NCOR2: variants seen among roughly 807,000 people sequenced by gnomAD.
NCOR2 encodes the protein nuclear receptor corepressor 2, also known as CTG repeat protein 26.
A neutral mutation model predicts 262.9 loss-of-function variants in NCOR2; 81 were observed. The ratio of observed to expected loss-of-function variants is 0.31; its 90% CI spans 0.26 to 0.37. The LOEUF (loss-of-function observed/expected upper bound fraction) is 0.37. Among genes scored for constraint, NCOR2 ranks in the 10% least tolerant of loss-of-function variants. The probability of loss-of-function intolerance (pLI) is 1.00; values close to 1 mark genes in which losing one functional copy is unlikely to be tolerated. For synonymous variants in NCOR2, 1,659 were observed against 1,559.3 expected, an observed-to-expected ratio of 1.06 and a Z score of -1.51; for missense variants, 3,385 against 3,621.4, an observed-to-expected ratio of 0.93 and a Z score of 1.68.
chr12:124,473,151 G>C lies in NCOR2; in HGVS notation c.412-20C>G. 2 of 1,613,034 alleles carry C rather than the reference G, an allele frequency of 1.2e-6. No individual in the cohort carries two copies. Among genetic ancestry groups the C allele is most frequent in the Non-Finnish European group, 1.7e-6 (2 of 1,179,954 alleles). On this transcript the variant is annotated intron_variant, in intron 3 of 46. Transcript: ENST00000405201. ...ACGGTCCTGTGGCAGAAAAAAAACG[G>C]GCATGGGGTCAGCACAGGGGACACC...
chr12:124,327,458 C>A, exon 45 of NCOR2: 1 of 1,613,062 alleles, frequency 6.2e-7, no homozygotes, highest in South Asian at 1.1e-5. Flanking sequence ...CGGTTATGGG[C>A]ATAGCAGCGG....
intron 13 of NCOR2, among the ~76,000 whole-genome samples, chr12:124,416,574 G>C (rs1318120389): frequency 1.4e-5 from 2 of 139,172 alleles, no homozygotes; most frequent in Non-Finnish European, 3.1e-5. Context: ...GATAGACCCC[G>C]CGGCACAGGG....
chr12:124,406,484 G>A (rs1449431810), intron 13 of NCOR2, among the ~76,000 whole-genome samples: 1 of 152,176 alleles, frequency 6.6e-6, no homozygotes, highest in Non-Finnish European at 1.5e-5. Context: ...GGCACATAAA[G>A]GACTCTGTGC....
chr12:124,431,351 C>T (rs1429320777), intron 8 of NCOR2, among the ~76,000 whole-genome samples: 1 of 151,210 alleles, frequency 6.6e-6, no homozygotes, highest in Non-Finnish European at 1.5e-5. Context: ...GGTACACACA[C>T]AGTAGACACA....
intron 15 of NCOR2, 48 bp from the exon 18 acceptor site, chr12:124,398,229 C>A: frequency 6.3e-7 from 1 of 1,598,234 alleles, no homozygotes; most frequent in Non-Finnish European, 8.6e-7. Context: ...AGAGGAGGCA[C>A]TTTGCCTTCT....
Position 124,483,803 on chromosome 12 carries a change from T to G in NCOR2, c.234-30A>C. On this transcript the variant is annotated intron_variant, in intron 2 of 46. Coordinates refer to ENST00000405201, the Ensembl canonical transcript of NCOR2. The surrounding 1 kb of genome is among the most constrained non-coding windows in gnomAD (Gnocchi z 6.3). Reference sequence around the variant, plus strand: ...AGGAGGTGAGGCATCCAACGTCACATAGGAGATTGCGGCTCTGAGAACTCC... The same window carrying G: ...AGGAGGTGAGGCATCCAACGTCACAGAGGAGATTGCGGCTCTGAGAACTCC... 6.4e-7 allele frequency: 1 copy of G among 1,556,014 alleles called. No individual in the cohort carries two copies. Among genetic ancestry groups the G allele is most frequent in the Non-Finnish European group, 8.7e-7 (1 of 1,151,124 alleles).
In NCOR2 at chr12:124,378,193, G is replaced by C; in HGVS notation, c.2167+44C>G. On this transcript the variant is annotated intron_variant, in intron 18 of 46. Coordinates refer to ENST00000405201, the Ensembl canonical transcript of NCOR2. This position sits in a 1 kb window ranked among gnomAD's most constrained non-coding sequence, Gnocchi z 4.2. Reference sequence around the variant, plus strand: ...CCCGCTATGCCCTCCCTCAGAGCTCGGACCCACAGCTGCCAGCCACCTCCA... The same window carrying C: ...CCCGCTATGCCCTCCCTCAGAGCTCCGACCCACAGCTGCCAGCCACCTCCA... 3 of 1,599,890 alleles carry C rather than the reference G, an allele frequency of 1.9e-6. No homozygotes were observed. The highest frequency in any genetic ancestry group is 2.6e-6 in the Non-Finnish European group (3 of 1,171,470).
At chr12:124,349,429 C>G (rs2037238007) in intron 28 of NCOR2, among the ~76,000 whole-genome samples, 1 of 152,174 alleles carries the variant, frequency 6.6e-6, no homozygotes, top group South Asian at 2.1e-4. Context: ...CAGGAGGGTA[C>G]TAGGTTGCTG....
At chr12:124,551,695 A>G (rs1364220109) in intron 1 of NCOR2, among the ~76,000 whole-genome samples, 1 of 152,206 alleles carries the variant, frequency 6.6e-6, no homozygotes, top group Admixed American at 6.5e-5. Context: ...CCAGCAGCCC[A>G]GGAGAACCTC....
chr12:124,421,977 G>C (rs1463928140), intron 12 of NCOR2, among the ~76,000 whole-genome samples: 2 of 152,252 alleles, frequency 1.3e-5, no homozygotes, highest in Non-Finnish European at 2.9e-5. Flanking sequence ...CAAAGAAGAT[G>C]GGGACTTGCA....
intron 15 of NCOR2, among the ~76,000 whole-genome samples, chr12:124,398,513 G>A (rs1226401347): frequency 6.6e-6 from 1 of 152,226 alleles, no homozygotes; most frequent in Non-Finnish European, 1.5e-5. Flanking sequence ...AGCAGTCAAG[G>A]GCCTTGACCA....
chr12:124,355,308 T>C, intron 24 of NCOR2, 124 bp downstream of exon 26: 2 of 1,208,126 alleles, frequency 1.7e-6, no homozygotes, highest in Admixed American at 2.2e-5. Context: ...AGACCCCAGA[T>C]GCCTGAGTGG....
intron 1 of NCOR2, among the ~76,000 whole-genome samples, chr12:124,529,196 A>AAAACAAAAAAAC (rs2050651709): frequency 6.8e-6 from 1 of 147,074 alleles, no homozygotes; most frequent in African/African-American, 2.6e-5. Flanking sequence ...AAAAAAAAAA[A>AAAACAAAAAAAC]AAAAAACACT....
chr12:124,406,388 A>C (rs1327491887), intron 13 of NCOR2, among the ~76,000 whole-genome samples: 1 of 152,056 alleles, frequency 6.6e-6, no homozygotes, highest in Non-Finnish European at 1.5e-5. Flanking sequence ...GGGACTCTGC[A>C]TTTCTAACCT....
rs3741515 is a variant in NCOR2, at chr12:124,378,223, G to T, written c.2167+14C>A. The T allele has an allele frequency of 0.065, 105,290 of 1,610,954 alleles. 5,273 individuals are homozygous for T. Among genetic ancestry groups the T allele is most frequent in the African/African-American group, 0.19 (14,120 of 74,902 alleles). ...CACAGCTGCCAGCCACCTCCAAGCC[G>T]CGCCAGCCCTCACCTTCAGCCTCCT... is the stretch of plus-strand genomic sequence containing the variant. On this transcript the variant is annotated intron_variant, in intron 18 of 46. Coordinates refer to ENST00000405201, the Ensembl canonical transcript of NCOR2. The surrounding 1 kb of genome is among the most constrained non-coding windows in gnomAD (Gnocchi z 4.2).
At position 124,432,867 on chromosome 12, in the gene NCOR2, G is replaced by A. The variant is rs1304826059; in HGVS notation, c.883-2080C>T. ...ACTTGAGCAAGTGGCGGCGGGGGGC[G>A]GGGGGTGGGGGCGGGGAAGGGGACG... On this transcript the variant is annotated intron_variant, in intron 8 of 46. Coordinates refer to ENST00000405201, the Ensembl canonical transcript of NCOR2. This position sits in a 1 kb window ranked among gnomAD's most constrained non-coding sequence, Gnocchi z 5.1. 5.7e-4 allele frequency among the ~76,000 whole-genome samples: 86 copies of A among 150,330 alleles called. No homozygotes were observed. The highest frequency in any genetic ancestry group is 1.7e-3 in the African/African-American group (70 of 40,962).
intron 1 of NCOR2, among the ~76,000 whole-genome samples, chr12:124,551,002 C>T (rs2051697672): frequency 6.6e-6 from 1 of 152,246 alleles, no homozygotes; most frequent in South Asian, 2.1e-4. Context: ...TAAAATTAGC[C>T]AACTGGATCA....
At chr12:124,325,392 C>CCCCCCGGTG in exon 47 of NCOR2, 1 of 1,152,268 alleles carries the variant, frequency 8.7e-7, no homozygotes, top group Non-Finnish European at 1.1e-6. Flanking sequence ...CCCCCCCGCC[C>CCCCCCGGTG]TGTTCTGAGT....
At chr12:124,350,113 C>G (rs1450861461) in intron 28 of NCOR2, among the ~76,000 whole-genome samples, 1 of 152,196 alleles carries the variant, frequency 6.6e-6, no homozygotes, top group Non-Finnish European at 1.5e-5. Flanking sequence ...TTTCCCGGCA[C>G]TCGATTCCCT....
Sources: gnomAD v4.1 joint callset for allele counts (sites outside exome capture counted in the v4.1 genomes callset) on GRCh38, gnomAD v4.1.1 for gene constraint, Gnocchi (gnomAD v3.1) non-coding constraint, MANE v1.5 for transcripts, NCBI Gene and HGNC (gene_info 2026-07-23, HGNC 2026-07-21) for gene names.